The following SCN3A variants were observed in gnomAD, a reference collection of about 807,000 sequenced individuals.
SCN3A encodes sodium channel protein type 3 subunit alpha.
A neutral mutation model predicts 187.6 loss-of-function variants in SCN3A; 60 were observed. The ratio of observed to expected loss-of-function variants is 0.32; its 90% CI spans 0.26 to 0.40. The LOEUF is 0.40. Among genes scored for constraint, SCN3A ranks in the 10% least tolerant of loss-of-function variants. The pLI is 1.00. For missense variants in SCN3A, 1,601 were observed against 2,428.2 expected (o/e 0.66, Z 7.16); for synonymous variants, 788 against 829.2 (o/e 0.95, Z 0.85).
intron 12 of SCN3A, among the ~76,000 whole-genome samples, chr2:165,144,022 A>G (rs1173599407): frequency 6.6e-6 from 1 of 152,222 alleles, no homozygotes; most frequent in Non-Finnish European, 1.5e-5. Flanking sequence ...AAATAATGTA[A>G]TAAACATAAA....
intron 5 of SCN3A, among the ~76,000 whole-genome samples, chr2:165,166,055 C>T (rs1689736965): frequency 6.6e-6 from 1 of 152,164 alleles, no homozygotes; most frequent in Non-Finnish European, 1.5e-5. Context: ...CTTTTAAAGG[C>T]CTAGAAACAC....
intron 23 of SCN3A, 152 bp downstream of exon 23, chr2:165,097,100 T>A: frequency 6.9e-6 from 5 of 728,060 alleles, no homozygotes; most frequent in Non-Finnish European, 1.1e-5. Context: ...TAACATCTTT[T>A]TTATGATCAA....
At chr2:165,184,749 A>G (rs747990327) in intron 2 of SCN3A, among the ~76,000 whole-genome samples, 37 of 152,306 alleles carry the variant, frequency 2.4e-4, no homozygotes, top group Non-Finnish European at 2.9e-5. Context: ...TTTCACATGT[A>G]TGCTACACAC....
chr2:165,146,380 ATATGTGTGTGTGTGTG>A (rs1688326491), intron 12 of SCN3A, among the ~76,000 whole-genome samples: 2 of 90,512 alleles, frequency 2.2e-5, no homozygotes, highest in Admixed American at 1.2e-4. Context: ...ATATATATAT[ATATGTGTGTGTGTGTG>A]TGTGTGTGTG....
chr2:165,178,688 T>A (rs1690632308), intron 2 of SCN3A, among the ~76,000 whole-genome samples: 1 of 152,212 alleles, frequency 6.6e-6, no homozygotes, highest in Non-Finnish European at 1.5e-5. Flanking sequence ...TCTCTACTAA[T>A]TTTGAACAGA....
At chr2:165,199,005 C>A (rs1692154317) in intron 1 of SCN3A, among the ~76,000 whole-genome samples, 1 of 151,980 alleles carries the variant, frequency 6.6e-6, no homozygotes, top group South Asian at 2.1e-4. Context: ...AGCGCAATGT[C>A]ACTTGTTAGA....
intron 15 of SCN3A, among the ~76,000 whole-genome samples, chr2:165,137,519 G>A (rs988440251): frequency 1.8e-4 from 28 of 152,034 alleles, no homozygotes; most frequent in Admixed American, 1.8e-3. Context: ...CCCTTCAATG[G>A]ACATGATTGT....
intron 11 of SCN3A, among the ~76,000 whole-genome samples, chr2:165,151,713 G>A (rs1688693935): frequency 6.6e-6 from 1 of 152,084 alleles, no homozygotes; most frequent in South Asian, 2.1e-4. Flanking sequence ...ACAAAACAGG[G>A]TACCACAGAG....
intron 15 of SCN3A, among the ~76,000 whole-genome samples, chr2:165,136,951 A>G (rs574007256): frequency 1.7e-4 from 26 of 152,248 alleles, no homozygotes; most frequent in African/African-American, 6.3e-4. Context: ...ACCCTCTGCC[A>G]AGGCTGATTA....
intron 2 of SCN3A, among the ~76,000 whole-genome samples, chr2:165,177,876 C>G (rs145883662): frequency 6.6e-6 from 1 of 152,192 alleles, no homozygotes; most frequent in African/African-American, 2.4e-5. Context: ...GAAACAATGA[C>G]AAACCAAATA....
Position 165,095,587 on chromosome 2 carries a change from A to G in SCN3A, c.4355T>C (p.Ile1452Thr). 6.3e-7 allele frequency: 1 copy of G among 1,579,850 alleles called. No individual in the cohort carries two copies. The highest frequency in any genetic ancestry group is 8.7e-7 in the Non-Finnish European group (1 of 1,149,042). ...CAGAGTGAAGAATGACCCAAAGATG[A>G]TAAAGATGACAAAGTATAAATACAT... ...LYMYLYFVIF[I>T]IFGSFFTLNL... Residue 1452 changes from isoleucine to threonine, a missense_variant, in exon 25 of 28, where the codon ATC becomes ACC. By Grantham distance (89) the Ile-to-Thr change is moderately conservative. Transcript: ENST00000283254.
At chr2:165,163,909 A>C (rs758258419) in intron 6 of SCN3A, 200 bp from the exon 7 acceptor site, 2 of 1,609,892 alleles carry the variant, frequency 1.2e-6, no homozygotes, top group Non-Finnish European at 1.7e-6. Flanking sequence ...GAATTAAATC[A>C]GAGTTACTGA....
At chr2:165,139,795 C>A in intron 13 of SCN3A, 187 bp from the exon 14 acceptor site, 1 of 637,470 alleles carries the variant, frequency 1.6e-6, no homozygotes. Flanking sequence ...ACAGGTAGTA[C>A]TCTTTAAGAG....
intron 21 of SCN3A, among the ~76,000 whole-genome samples, chr2:165,106,081 C>T (rs978400164): frequency 6.6e-6 from 1 of 152,074 alleles, no homozygotes; most frequent in African/African-American, 2.4e-5. Flanking sequence ...AGGAAGCAGA[C>T]GATCTAAGCG....
intron 1 of SCN3A, among the ~76,000 whole-genome samples, chr2:165,193,429 C>G (rs538705706): frequency 6.6e-6 from 1 of 152,216 alleles, no homozygotes; most frequent in East Asian, 1.9e-4. Flanking sequence ...AGGAAGCTTT[C>G]TATTTTGAAG....
At chr2:165,160,491 T>G (rs879328167) in intron 9 of SCN3A, among the ~76,000 whole-genome samples, 5 of 152,194 alleles carry the variant, frequency 3.3e-5, no homozygotes, top group Non-Finnish European at 7.3e-5. Flanking sequence ...GGGAATAGAT[T>G]ATTATGGTTT....
intron 17 of SCN3A, among the ~76,000 whole-genome samples, chr2:165,129,218 A>G (rs941701404): frequency 3.9e-5 from 6 of 152,252 alleles, no homozygotes; most frequent in Admixed American, 6.5e-5. Context: ...CCCACGCATG[A>G]CTGAGAAATT....
chr2:165,185,621 T>C (rs1691180870), intron 2 of SCN3A, among the ~76,000 whole-genome samples: 1 of 152,158 alleles, frequency 6.6e-6, no homozygotes. Flanking sequence ...CAGAGACATA[T>C]TTACCCCTGG....
intron 11 of SCN3A, among the ~76,000 whole-genome samples, chr2:165,150,022 A>G (rs867999072): frequency 6.6e-6 from 1 of 152,166 alleles, no homozygotes; most frequent in Admixed American, 6.5e-5. Context: ...AAGAGCTACT[A>G]TTTCGAATTT....
Sources: gnomAD v4.1 joint callset for allele counts (sites outside exome capture counted in the v4.1 genomes callset) on GRCh38, gnomAD v4.1.1 for gene constraint, MANE v1.5 for transcripts, NCBI Gene and HGNC (gene_info 2026-07-23, HGNC 2026-07-21) for gene names.